IFT43: variants seen among roughly 807,000 people sequenced by gnomAD.
IFT43 encodes intraflagellar transport protein 43 homolog.
A neutral mutation model predicts 32.3 loss-of-function variants in IFT43; 33 were observed. The observed-to-expected ratio is 1.02, with a 90% confidence interval of 0.77 to 1.37. The LOEUF (loss-of-function observed/expected upper bound fraction) is 1.37. Ranked by LOEUF, IFT43 falls within the 40% of genes most tolerant of loss-of-function variation. The probability of loss-of-function intolerance (pLI) is 0.00; values close to 1 mark genes in which losing one functional copy is unlikely to be tolerated. For synonymous variants in IFT43, 93 were observed against 98.2 expected (o/e 0.95, Z 0.31); for missense variants, 274 against 265.9 (o/e 1.03, Z -0.21).
At chr14:76,026,518 A>G (rs1353649150) in intron 3 of IFT43, among the ~76,000 whole-genome samples, 4 of 145,304 alleles carry the variant, frequency 2.8e-5, no homozygotes, top group Non-Finnish European at 6.0e-5. Flanking sequence ...AGATTGTGCC[A>G]TTGCACTCCA....
At chr14:76,026,339 A>G (rs1435948082) in intron 3 of IFT43, among the ~76,000 whole-genome samples, 1 of 152,146 alleles carries the variant, frequency 6.6e-6, no homozygotes, top group Non-Finnish European at 1.5e-5. Flanking sequence ...TGGGTGAATC[A>G]CCTGAGGTCG....
At position 76,022,379 on chromosome 14, in the gene IFT43, C is replaced by A; in HGVS notation, c.200C>A (p.Ser67Tyr). The A allele has an allele frequency of 6.2e-7, 1 of 1,609,458 alleles. No individual in the cohort carries two copies. The highest frequency in any genetic ancestry group is 1.1e-5 in the South Asian group (1 of 90,920). The part of the protein sequence containing the change: ...RCRQGGWAGD[S>Y]VKASKFRRKA... Reference sequence around the variant, plus strand: ...CGACAGGGAGGCTGGGCAGGTGATTCCGTGAAGGCTTCGAAGTGAGTACCA... The same window carrying A: ...CGACAGGGAGGCTGGGCAGGTGATTACGTGAAGGCTTCGAAGTGAGTACCA... The change falls in exon 3 of 9, where the codon TCC becomes TAC. Residue 67 changes from serine (S) to tyrosine (Y), a missense_variant. Coordinates refer to ENST00000314067, the MANE Select transcript of IFT43 (RefSeq NM_001102564.3).
intron 2 of IFT43, among the ~76,000 whole-genome samples, chr14:75,999,262 TATATATATATG>T (rs2035826565): frequency 5.5e-4 from 14 of 25,288 alleles, no homozygotes; most frequent in African/African-American, 1.2e-3. Context: ...TATATATATA[TATATATATATG>T]TATATATATT....
chr14:75,995,129 T>C (rs1463772309), intron 2 of IFT43, among the ~76,000 whole-genome samples: 1 of 152,238 alleles, frequency 6.6e-6, no homozygotes, highest in Non-Finnish European at 1.5e-5. Context: ...AAGTAGGTAC[T>C]CTTATCATCA....
chr14:76,020,209 G>T (rs2036264786), intron 2 of IFT43, among the ~76,000 whole-genome samples: 1 of 152,148 alleles, frequency 6.6e-6, no homozygotes, highest in Admixed American at 6.5e-5. Context: ...TCCTGACCTT[G>T]TGATCTGCCC....
intron 2 of IFT43, among the ~76,000 whole-genome samples, chr14:75,996,369 T>C (rs2035748033): frequency 1.3e-5 from 2 of 152,244 alleles, no homozygotes; most frequent in South Asian, 4.1e-4. Context: ...AGTATCTATC[T>C]CATTGGGTTG....
At chr14:76,061,414 A>G (rs1298439539) in intron 5 of IFT43, among the ~76,000 whole-genome samples, 1 of 152,074 alleles carries the variant, frequency 6.6e-6, no homozygotes, top group Non-Finnish European at 1.5e-5. Context: ...ATATTTCTTT[A>G]AATATATTTT....
At chr14:76,002,465 AGGGGACTGGATATTTC>A (rs1241090485) in intron 2 of IFT43, among the ~76,000 whole-genome samples, 1 of 152,144 alleles carries the variant, frequency 6.6e-6, no homozygotes, top group East Asian at 1.9e-4. Flanking sequence ...GGAGGGAAGG[AGGGGACTGGATATTTC>A]AGAGATGGAG....
chr14:76,028,581 A>G (rs2036449638), intron 3 of IFT43, among the ~76,000 whole-genome samples: 1 of 152,132 alleles, frequency 6.6e-6, no homozygotes, highest in South Asian at 2.1e-4. Flanking sequence ...CAGTGAGCAC[A>G]GTACCCAATA....
intron 3 of IFT43, among the ~76,000 whole-genome samples, chr14:76,044,941 A>G (rs1302924339): frequency 1.3e-5 from 2 of 152,172 alleles, no homozygotes; most frequent in Non-Finnish European, 2.9e-5. Context: ...CTTTATTGTA[A>G]TACAGTATAT....
intron 2 of IFT43, among the ~76,000 whole-genome samples, chr14:75,994,580 A>G (rs180795487): frequency 1.2e-4 from 19 of 152,354 alleles, no homozygotes; most frequent in South Asian, 4.1e-4. Flanking sequence ...AGGAGAAATG[A>G]TAAGTACTAA....
rs1375500877 is a variant in IFT43 at position 76,005,982 on chromosome 14, T to G, written c.148-16345T>G. Among the ~76,000 whole-genome samples, 4 of 152,144 alleles carry G rather than the reference T, an allele frequency of 2.6e-5. No individual in the cohort carries two copies. The South Asian group carries it at 8.3e-4, about 32-fold the overall frequency. ...ACACTTTTTTTTTTTTCAGATGATATTATTGGTGAGAAAAGAATGAGAGTG... is the reference window on the plus strand; with the variant it reads ...ACACTTTTTTTTTTTTCAGATGATAGTATTGGTGAGAAAAGAATGAGAGTG... On this transcript the variant is annotated intron_variant, in intron 2 of 8. Coordinates refer to ENST00000314067, the MANE Select transcript of IFT43 (RefSeq NM_001102564.3).
intron 2 of IFT43, among the ~76,000 whole-genome samples, chr14:76,012,738 C>T (rs2036110345): frequency 6.6e-6 from 1 of 152,120 alleles, no homozygotes; most frequent in South Asian, 2.1e-4. Flanking sequence ...TATTTCTGTC[C>T]CTCTTGGTGT....
At chr14:76,064,162 C>T (rs1382694147) in intron 5 of IFT43, among the ~76,000 whole-genome samples, 1 of 152,172 alleles carries the variant, frequency 6.6e-6, no homozygotes, top group Non-Finnish European at 1.5e-5. Context: ...GATCTTCCTC[C>T]TTAGCACTAC....
At chr14:76,082,583 G>A (rs1392339226) in intron 6 of IFT43, 34 bp from the exon 7 acceptor site, 4 of 1,613,942 alleles carry the variant, frequency 2.5e-6, no homozygotes, top group Admixed American at 3.3e-5. Flanking sequence ...GGTCCTGCCT[G>A]GGGTTCCCGC....
chr14:76,072,896 A>G (rs1325873751), intron 5 of IFT43, among the ~76,000 whole-genome samples: 2 of 152,182 alleles, frequency 1.3e-5, no homozygotes, highest in East Asian at 1.9e-4. Context: ...GTGACTGTAC[A>G]TGGTGTTTCA....
chr14:76,019,853 T>G (rs1483226405), intron 2 of IFT43, among the ~76,000 whole-genome samples: 2 of 152,126 alleles, frequency 1.3e-5, no homozygotes, highest in Non-Finnish European at 1.5e-5. Context: ...AAGCTCTTGA[T>G]TGTATTTTTT....
chr14:76,002,573 C>T (rs2035909244), intron 2 of IFT43, among the ~76,000 whole-genome samples: 1 of 152,156 alleles, frequency 6.6e-6, no homozygotes, highest in Admixed American at 6.5e-5. Flanking sequence ...CAAGGCTAAA[C>T]ATTAGAACTG....
intron 3 of IFT43, among the ~76,000 whole-genome samples, chr14:76,048,256 C>T (rs2036847033): frequency 6.6e-6 from 1 of 152,208 alleles, no homozygotes; most frequent in African/African-American, 2.4e-5. Flanking sequence ...CTGGGACCCT[C>T]ACAGAATTGA....
Sources: gnomAD v4.1 joint callset for allele counts (sites outside exome capture counted in the v4.1 genomes callset) on GRCh38, gnomAD v4.1.1 for gene constraint, MANE v1.5 for transcripts, NCBI Gene and HGNC (gene_info 2026-07-23, HGNC 2026-07-21) for gene names.